The following TMEM132D variants were observed in gnomAD, a reference collection of about 807,000 sequenced individuals.
The protein encoded by TMEM132D is mature OL transmembrane protein.
Under a neutral mutation model 62.3 loss-of-function variants are expected in TMEM132D, and 21 were observed. The observed-to-expected ratio is 0.34, with a 90% confidence interval of 0.24 to 0.49. TMEM132D has a LOEUF of 0.49. TMEM132D is among the 20% of genes least tolerant of loss of function. TMEM132D has a pLI of 0.99. For synonymous variants in TMEM132D, 621 were observed against 575.6 expected (o/e 1.08, Z -1.13); for missense variants, 1,346 against 1,402.8 (o/e 0.96, Z 0.65).
chr12:129,869,096 C>T (rs34644503), intron 1 of TMEM132D, among the ~76,000 whole-genome samples: 5,414 of 151,170 alleles, frequency 0.036, 116 homozygotes, highest in African/African-American at 0.046. Flanking sequence ...TGTCTTCAGG[C>T]AGCACAGGAA....
intron 4 of TMEM132D, among the ~76,000 whole-genome samples, chr12:129,256,075 T>C (rs1435602139): frequency 1.3e-5 from 2 of 152,196 alleles, no homozygotes; most frequent in Non-Finnish European, 2.9e-5. Context: ...GCTTGACTTG[T>C]ACTACTGATT....
At chr12:129,636,556 A>G (rs1484219632) in intron 2 of TMEM132D, among the ~76,000 whole-genome samples, 1 of 152,182 alleles carries the variant, frequency 6.6e-6, no homozygotes, top group African/African-American at 2.4e-5. Context: ...AGTCAAGAGA[A>G]GGGATTCATT....
chr12:129,470,238 T>A (rs1874054515), intron 3 of TMEM132D, among the ~76,000 whole-genome samples: 2 of 152,224 alleles, frequency 1.3e-5, no homozygotes, highest in African/African-American at 2.4e-5. Context: ...GATGATAAAC[T>A]TCACAGACAA....
chr12:129,333,613 G>A (rs1443469636), intron 4 of TMEM132D, among the ~76,000 whole-genome samples: 1 of 152,136 alleles, frequency 6.6e-6, no homozygotes, highest in Non-Finnish European at 1.5e-5. Context: ...GACAGTCCAG[G>A]ACAGCACCAG....
At chr12:129,439,835 TC>T (rs1872889010) in intron 3 of TMEM132D, among the ~76,000 whole-genome samples, 1 of 152,206 alleles carries the variant, frequency 6.6e-6, no homozygotes, top group African/African-American at 2.4e-5. Flanking sequence ...GATTATCCTT[TC>T]CTGCCTTGTG....
At chr12:129,354,315 G>GTATATATATATATATATATATATATATA (rs35875993) in intron 3 of TMEM132D, among the ~76,000 whole-genome samples, 2 of 147,946 alleles carry the variant, frequency 1.4e-5, no homozygotes, top group African/African-American at 5.0e-5. Context: ...ACTTTATTGG[G>GTATATATATATATATATATATATATATA]TATATATATA....
In TMEM132D at chr12:129,615,973, G is replaced by T. The variant is rs531756890; in HGVS notation, c.968+83837C>A. On this transcript the variant is annotated intron_variant, in intron 2 of 8. Coordinates refer to ENST00000422113, the MANE Select transcript of TMEM132D (RefSeq NM_133448.3). ...CCTGTCACCTGCCTGGCCCAGGGAG[G>T]CATTCAGATGTGCAATGGCTGGTTT... Among the ~76,000 whole-genome samples the T allele has an allele frequency of 4.4e-4, 67 of 152,250 alleles. No homozygotes were observed. In the South Asian group the frequency reaches 1.0e-2, roughly 23 times the overall value.
chr12:129,900,838 G>A (rs940432075), intron 1 of TMEM132D, among the ~76,000 whole-genome samples: 1 of 152,180 alleles, frequency 6.6e-6, no homozygotes, highest in Non-Finnish European at 1.5e-5. Flanking sequence ...GGACAAGGCT[G>A]CTGGGGAAAC....
chr12:129,337,820 G>A lies in TMEM132D; in HGVS notation c.1116-3C>T, dbSNP rs1869343116. 2 of 1,602,824 alleles carry A rather than the reference G, an allele frequency of 1.2e-6. No homozygotes were observed. The highest frequency in any genetic ancestry group is 3.4e-5 in the Admixed American group (2 of 58,960). The stretch of plus-strand genomic sequence containing the variant: ...CCTCGTAGGAGGCGCCATCCGCACT[G>A]GAGAGAAGACACAGAGGAGAACAGC... On this transcript the variant is annotated splice_region_variant and splice_polypyrimidine_tract_variant and intron_variant, in intron 3 of 8. Coordinates refer to ENST00000422113, the MANE Select transcript of TMEM132D (RefSeq NM_133448.3).
At chr12:129,887,416 A>G (rs1181385627) in intron 1 of TMEM132D, among the ~76,000 whole-genome samples, 5 of 152,228 alleles carry the variant, frequency 3.3e-5, no homozygotes, top group African/African-American at 1.2e-4. Context: ...AAGCCACAGT[A>G]TAACACTTGA....
chr12:129,360,409 A>G (rs1175324487), intron 3 of TMEM132D, among the ~76,000 whole-genome samples: 1 of 152,218 alleles, frequency 6.6e-6, no homozygotes, highest in Non-Finnish European at 1.5e-5. Context: ...CTGCACTGAG[A>G]TCTTTCATGT....
At chr12:129,083,013 C>A (rs1198372160) in intron 6 of TMEM132D, among the ~76,000 whole-genome samples, 1 of 152,172 alleles carries the variant, frequency 6.6e-6, no homozygotes, top group Non-Finnish European at 1.5e-5. Flanking sequence ...GCATGAGCCA[C>A]CATGCCTGGC....
At chr12:129,798,693 GAAGAGAGAAGGGGTGGAGGGAGAT>G (rs1871639719) in intron 1 of TMEM132D, among the ~76,000 whole-genome samples, 1 of 150,120 alleles carries the variant, frequency 6.7e-6, no homozygotes, top group Non-Finnish European at 1.5e-5. Flanking sequence ...TGAATGTGCA[GAAGAGAGAAGGGGTGGAGGGAGAT>G]AAGACTGAGA....
rs1872143253 is a variant in TMEM132D at position 129,810,574 on chromosome 12, C to CA, written c.79+92686_79+92687insT. ...CATACACACACACACACACACACAC[C>CA]CCCCCACACTCTTTAACCTGTGCCT... On this transcript the variant is annotated intron_variant, in intron 1 of 8. Transcript: ENST00000422113. Among the ~76,000 whole-genome samples, 40 of 4,826 alleles carry CA rather than the reference C, an allele frequency of 8.3e-3. No homozygotes were observed. In the South Asian group the frequency reaches 0.13, roughly 15 times the overall value. The allele number at this position is 4,826 out of a possible 152,430, so 3.2% of individuals were successfully genotyped here. A position where few individuals can be genotyped will look rare whatever the true frequency, so the allele number is the denominator to read the frequency against.
At chr12:129,345,789 A>T (rs1484077912) in intron 3 of TMEM132D, among the ~76,000 whole-genome samples, 1 of 152,200 alleles carries the variant, frequency 6.6e-6, no homozygotes, top group Non-Finnish European at 1.5e-5. Flanking sequence ...AATGAAGCCA[A>T]CTTGATTGTG....
intron 2 of TMEM132D, among the ~76,000 whole-genome samples, chr12:129,542,053 G>T (rs1027121068): frequency 6.6e-6 from 1 of 152,186 alleles, no homozygotes; most frequent in Non-Finnish European, 1.5e-5. Flanking sequence ...GTTCTAATCA[G>T]CCTCATAAGT....
At chr12:129,217,504 A>G (rs1226661727) in intron 4 of TMEM132D, among the ~76,000 whole-genome samples, 1 of 152,190 alleles carries the variant, frequency 6.6e-6, no homozygotes, top group African/African-American at 2.4e-5. Context: ...CTGAACCTCC[A>G]GCCTTCCCTG....
intron 5 of TMEM132D, among the ~76,000 whole-genome samples, chr12:129,135,298 A>T (rs1876526087): frequency 6.6e-6 from 1 of 152,188 alleles, no homozygotes; most frequent in Non-Finnish European, 1.5e-5. Flanking sequence ...TTTGAGTGAC[A>T]TGGGAATGAT....
intron 5 of TMEM132D, among the ~76,000 whole-genome samples, chr12:129,147,916 G>C (rs1042539204): frequency 1.1e-4 from 16 of 152,124 alleles, no homozygotes; most frequent in African/African-American, 3.6e-4. Flanking sequence ...ACCAACTTTC[G>C]TGTGATGGCT....
Sources: gnomAD v4.1 joint callset for allele counts (sites outside exome capture counted in the v4.1 genomes callset) on GRCh38, gnomAD v4.1.1 for gene constraint, MANE v1.5 for transcripts, NCBI Gene and HGNC (gene_info 2026-07-23, HGNC 2026-07-21) for gene names.